Variants in FUT9 observed in about 807,000 individuals in gnomAD.
FUT9 encodes the protein fucosyltransferase 9, also known as 4-galactosyl-N-acetylglucosaminide 3-alpha-L-fucosyltransferase 9.
In FUT9, 15 loss-of-function variants were observed where a neutral mutation model predicts 29.7. The observed-to-expected ratio is 0.51, with a 90% CI of 0.34 to 0.78. FUT9 has a LOEUF of 0.78. Ranked by LOEUF, FUT9 falls within the 30% of genes least tolerant of loss-of-function variation. FUT9 has a pLI of 0.01. For missense variants in FUT9, 319 were observed against 425.4 expected, an observed-to-expected ratio of 0.75 and a Z score of 2.20; for synonymous variants, 169 against 153.7, an observed-to-expected ratio of 1.10 and a Z score of -0.74.
In FUT9 at chr6:96,206,010, A is replaced by T. The variant is rs146485130; in HGVS notation, c.*1775A>T. 1.8e-3 allele frequency: 309 copies of T among 167,164 alleles called. No individual in the cohort carries two copies. Among genetic ancestry groups the T allele is most frequent in the African/African-American group, 7.2e-3 (298 of 41,588 alleles). The allele number at this position is 167,164 out of a possible 1,614,324, so 10.4% of individuals were successfully genotyped here. A position where few individuals can be genotyped will look rare whatever the true frequency, so the allele number is the denominator to read the frequency against. On this transcript the variant is annotated 3_prime_UTR_variant, in exon 3 of 3. Coordinates refer to ENST00000302103, the MANE Select transcript of FUT9 (RefSeq NM_006581.4). ...CTTAACACCCACAGAGATAAGATGA[A>T]CAAGGTACTATCACTGCCTAAAATG...
chr6:96,080,262 T>C (rs1771212978), intron 1 of FUT9, among the ~76,000 whole-genome samples: 1 of 152,096 alleles, frequency 6.6e-6, no homozygotes, highest in East Asian at 1.9e-4. Context: ...ATTTTTTCAA[T>C]GGTTATTTGT....
At position 96,207,107 on chromosome 6, in the gene FUT9, G is replaced by A. The variant is rs9404452; in HGVS notation, c.*2872G>A. ...CCATTGATGTGTGAGTTTTAGAGCT[G>A]GAAGGAATTATAATTTTGTTGTTTA... On this transcript the variant is annotated 3_prime_UTR_variant, in exon 3 of 3. Transcript: ENST00000302103. The A allele has an allele frequency of 0.92, 153,569 of 166,854 alleles. 72,071 individuals are homozygous for A. The highest frequency in any genetic ancestry group is 1 in the Non-Finnish European group (67,989 of 68,118). The allele number at this position is 166,854 out of a possible 1,614,324, so 10.3% of individuals were successfully genotyped here. A position where few individuals can be genotyped will look rare whatever the true frequency, so the allele number is the denominator to read the frequency against.
chr6:96,094,516 T>G (rs1771463352), intron 1 of FUT9, among the ~76,000 whole-genome samples: 1 of 152,142 alleles, frequency 6.6e-6, no homozygotes, highest in Non-Finnish European at 1.5e-5. Context: ...AGAATGACTC[T>G]GCTATCCATG....
At chr6:96,068,556 G>C (rs537112852) in intron 1 of FUT9, among the ~76,000 whole-genome samples, 1 of 133,664 alleles carries the variant, frequency 7.5e-6, no homozygotes, top group Non-Finnish European at 1.6e-5. Context: ...TGGTGACATA[G>C]CAAACTATTT....
intron 2 of FUT9, among the ~76,000 whole-genome samples, chr6:96,123,214 CTA>C (rs1343973896): frequency 6.6e-6 from 1 of 151,544 alleles, no homozygotes; most frequent in Non-Finnish European, 1.5e-5. Context: ...AAGGATATGA[CTA>C]TATATTCTTT....
chr6:96,198,850 G>T (rs1222869422), intron 2 of FUT9, among the ~76,000 whole-genome samples: 1 of 152,058 alleles, frequency 6.6e-6, no homozygotes, highest in Non-Finnish European at 1.5e-5. Context: ...GTTTTGATTT[G>T]CATTTCTCTG....
In FUT9 at chr6:96,203,198, G is replaced by C; in HGVS notation, c.43G>C (p.Val15Leu). 6.2e-7 allele frequency: 1 copy of C among 1,603,878 alleles called. No individual in the cohort carries two copies. The highest frequency in any genetic ancestry group is 1.3e-5 in the African/African-American group (1 of 74,674). ...SKGILRPFLI[V>L]CIILGCFMAC... is the part of the protein sequence containing the mutation. Reference sequence around the variant, plus strand: ...AGGAATTCTTCGCCCATTTTTAATTGTCTGCATTATCCTGGGCTGTTTCAT... The same window carrying C: ...AGGAATTCTTCGCCCATTTTTAATTCTCTGCATTATCCTGGGCTGTTTCAT... The change falls in exon 3 of 3, where the codon GTC becomes CTC. Residue 15 changes from valine (V) to leucine (L), a missense_variant. Coordinates refer to ENST00000302103, the MANE Select transcript of FUT9 (RefSeq NM_006581.4).
chr6:96,048,932 A>G (rs1456228184), intron 1 of FUT9, among the ~76,000 whole-genome samples: 1 of 152,116 alleles, frequency 6.6e-6, no homozygotes, highest in Non-Finnish European at 1.5e-5. Context: ...TACTTGGGTA[A>G]CCTTCAGGAA....
chr6:96,141,951 C>T (rs1429656185), intron 2 of FUT9, among the ~76,000 whole-genome samples: 1 of 152,202 alleles, frequency 6.6e-6, no homozygotes, highest in Non-Finnish European at 1.5e-5. Flanking sequence ...CTCCATTTTA[C>T]ATCCCAGCCT....
At chr6:96,048,762 C>A (rs989272326) in intron 1 of FUT9, among the ~76,000 whole-genome samples, 13 of 152,194 alleles carry the variant, frequency 8.5e-5, no homozygotes, top group South Asian at 2.1e-4. Flanking sequence ...TCCTAAGTGC[C>A]AGTTGTGGGA....
At chr6:96,135,788 A>G (rs1772337508) in intron 2 of FUT9, among the ~76,000 whole-genome samples, 1 of 151,788 alleles carries the variant, frequency 6.6e-6, no homozygotes, top group Admixed American at 6.6e-5. Context: ...AATTTGATAA[A>G]GGTTAGATCT....
intron 2 of FUT9, among the ~76,000 whole-genome samples, chr6:96,171,026 A>C (rs1360520321): frequency 6.6e-6 from 1 of 152,172 alleles, no homozygotes; most frequent in Non-Finnish European, 1.5e-5. Flanking sequence ...TCTGAGACAA[A>C]GACTTGATTG....
At position 96,213,564 on chromosome 6, in the gene FUT9, T is replaced by C. The variant is rs1349137724; in HGVS notation, c.*9329T>C. 1.2e-5 allele frequency: 2 copies of C among 166,914 alleles called. No individual in the cohort carries two copies. Among genetic ancestry groups the C allele is most frequent in the Admixed American group, 1.3e-4 (2 of 15,252 alleles). The allele number at this position is 166,914 out of a possible 1,614,324, so 10.3% of individuals were successfully genotyped here. ...GCCAAATGTACAGTTTATAGGTTCG[T>C]GTTATTTCTGATAAGAATTTAATTG... On this transcript the variant is annotated 3_prime_UTR_variant, in exon 3 of 3. Coordinates refer to ENST00000302103, the MANE Select transcript of FUT9 (RefSeq NM_006581.4).
intron 1 of FUT9, among the ~76,000 whole-genome samples, chr6:96,040,757 G>A (rs942638487): frequency 6.6e-6 from 1 of 152,112 alleles, no homozygotes; most frequent in Non-Finnish European, 1.5e-5. Context: ...GGCATTGAAG[G>A]CCAAGGAGAA....
chr6:96,111,415 T>G (rs1362415686), intron 1 of FUT9, among the ~76,000 whole-genome samples: 1 of 151,794 alleles, frequency 6.6e-6, no homozygotes, highest in Non-Finnish European at 1.5e-5. Context: ...AAAAGGGAGA[T>G]AGAGATAATA....
At chr6:96,141,564 G>T (rs1222616288) in intron 2 of FUT9, among the ~76,000 whole-genome samples, 1 of 152,208 alleles carries the variant, frequency 6.6e-6, no homozygotes, top group African/African-American at 2.4e-5. Flanking sequence ...AGAGAGGAAG[G>T]TGGAGCAGCA....
chr6:96,129,314 A>C, intron 2 of FUT9, among the ~76,000 whole-genome samples: 1 of 145,918 alleles, frequency 6.9e-6, no homozygotes, highest in African/African-American at 2.5e-5. Flanking sequence ...CCATGGTGGC[A>C]TGTGCCTGTG....
intron 2 of FUT9, among the ~76,000 whole-genome samples, chr6:96,188,234 C>A (rs1773439288): frequency 6.6e-6 from 1 of 151,128 alleles, no homozygotes; most frequent in Non-Finnish European, 1.5e-5. Flanking sequence ...TAACTGGAAT[C>A]TTCATTTTCT....
At chr6:96,164,711 T>TTG (rs1452286818) in intron 2 of FUT9, among the ~76,000 whole-genome samples, 1 of 151,998 alleles carries the variant, frequency 6.6e-6, no homozygotes, top group Non-Finnish European at 1.5e-5. Context: ...GTCTGACCAC[T>TTG]CATTCCCATC....
Sources: gnomAD v4.1 joint callset for allele counts (sites outside exome capture counted in the v4.1 genomes callset) on GRCh38, gnomAD v4.1.1 for gene constraint, MANE v1.5 for transcripts, NCBI Gene and HGNC (gene_info 2026-07-23, HGNC 2026-07-21) for gene names.